CCSER2: variants seen among roughly 807,000 people sequenced by gnomAD.
CCSER2 encodes the protein serine-rich coiled-coil domain-containing protein 2.
A neutral mutation model predicts 92.3 loss-of-function variants in CCSER2; 46 were observed. The observed-to-expected ratio is 0.50, with a 90% confidence interval of 0.39 to 0.64. The LOEUF is 0.64. CCSER2 is among the 30% of genes least tolerant of loss of function. The pLI is 0.00. For synonymous variants in CCSER2, 433 were observed against 431.4 expected (o/e 1.00, Z -0.04); for missense variants, 1,244 against 1,238.9 (o/e 1.00, Z -0.06).
At chr10:84,488,724 T>TTG (rs773613463) in intron 9 of CCSER2, among the ~76,000 whole-genome samples, 6 of 152,194 alleles carry the variant, frequency 3.9e-5, no homozygotes, top group Admixed American at 6.5e-5. Flanking sequence ...GAAGGATTTT[T>TTG]TGTGTCTATT....
chr10:84,503,457 A>G (rs1442766946), intron 9 of CCSER2, among the ~76,000 whole-genome samples: 1 of 152,174 alleles, frequency 6.6e-6, no homozygotes, highest in Admixed American at 6.5e-5. Flanking sequence ...CTTAACTGGC[A>G]TTGGTGTAGT....
chr10:84,378,377 G>A (rs1344069857), intron 3 of CCSER2, among the ~76,000 whole-genome samples: 4 of 148,554 alleles, frequency 2.7e-5, no homozygotes, highest in Non-Finnish European at 6.0e-5. Context: ...CTTTTCAAAT[G>A]TTGTTAAACT....
Position 84,334,251 on chromosome 10 carries a change from A to G in CCSER2, c.-40+5443A>G, listed in dbSNP as rs1049441473. ...TGAACTTGTCTTTCCGTTGTTATTG[A>G]CTACTTAAGTTTTCTCTGAGTATCT... On this transcript the variant is annotated intron_variant, in intron 1 of 9. Coordinates refer to ENST00000372088, the MANE Select transcript of CCSER2 (RefSeq NM_001284240.2). Among the ~76,000 whole-genome samples the G allele has an allele frequency of 2.6e-5, 4 of 152,090 alleles. No individual in the cohort carries two copies. The East Asian group carries it at 7.7e-4, about 29-fold the overall frequency.
chr10:84,335,228 CT>C (rs1202869188), intron 1 of CCSER2, among the ~76,000 whole-genome samples: 18 of 70,010 alleles, frequency 2.6e-4, no homozygotes, highest in Admixed American at 6.7e-4. Flanking sequence ...CTCTCTCTCT[CT>C]TTTTTTTTTT....
chr10:84,358,472 A>G (rs1055500547), intron 1 of CCSER2, among the ~76,000 whole-genome samples: 2 of 151,988 alleles, frequency 1.3e-5, no homozygotes, highest in Non-Finnish European at 2.9e-5. Flanking sequence ...ATGTTCCTCT[A>G]GCTCTGGAAA....
chr10:84,381,147 A>G (rs1360956282), intron 3 of CCSER2, among the ~76,000 whole-genome samples: 4 of 152,098 alleles, frequency 2.6e-5, no homozygotes, highest in Non-Finnish European at 5.9e-5. Flanking sequence ...TCTCTCACTA[A>G]CTCATGGGAT....
At chr10:84,458,199 CTGTT>C in intron 6 of CCSER2, among the ~76,000 whole-genome samples, 1 of 152,068 alleles carries the variant, frequency 6.6e-6, no homozygotes, top group Non-Finnish European at 1.5e-5. Flanking sequence ...GGTGTATAAT[CTGTT>C]TGAAGAGTTT....
intron 9 of CCSER2, among the ~76,000 whole-genome samples, chr10:84,510,064 A>G (rs184456960): frequency 3.3e-4 from 50 of 152,214 alleles, no homozygotes; most frequent in African/African-American, 1.2e-3. Context: ...ATTCATCTAT[A>G]TCTCCCATCA....
chr10:84,503,968 T>C (rs1444599374), intron 9 of CCSER2, among the ~76,000 whole-genome samples: 1 of 152,242 alleles, frequency 6.6e-6, no homozygotes, highest in Admixed American at 6.5e-5. Flanking sequence ...GCAGTGATTA[T>C]AAATTTATTT....
At chr10:84,427,613 C>T (rs929118927) in intron 5 of CCSER2, among the ~76,000 whole-genome samples, 1 of 152,168 alleles carries the variant, frequency 6.6e-6, no homozygotes, top group Non-Finnish European at 1.5e-5. Flanking sequence ...GTTGGGAAGA[C>T]TGGTGGTTGA....
intron 6 of CCSER2, among the ~76,000 whole-genome samples, chr10:84,453,803 A>G (rs750108463): frequency 1.2e-4 from 18 of 152,078 alleles, no homozygotes; most frequent in Non-Finnish European, 2.1e-4. Context: ...TTCTTGGCAG[A>G]TTGGTCCTCT....
rs144710050 is a variant in CCSER2 at position 84,341,913 on chromosome 10, C to G, written c.-40+13105C>G. On this transcript the variant is annotated intron_variant, in intron 1 of 9. Transcript: ENST00000372088. ...TCATGGAAAGGGGCATGGAGCTTCT[C>G]TGTCCTCTCTGGGTGTACCACTCTC... Among the ~76,000 whole-genome samples the G allele has an allele frequency of 2.2e-3, 332 of 152,344 alleles. 1 individual carries two copies. Among genetic ancestry groups the G allele is most frequent in the Non-Finnish European group, 3.6e-3 (244 of 68,032 alleles).
chr10:84,403,154 C>T (rs1842206912), intron 3 of CCSER2, among the ~76,000 whole-genome samples: 1 of 145,802 alleles, frequency 6.9e-6, no homozygotes, highest in Non-Finnish European at 1.5e-5. Context: ...AGTAGACCTA[C>T]ACAAATATGC....
chr10:84,428,514 C>G (rs570360826), intron 5 of CCSER2, among the ~76,000 whole-genome samples: 2 of 152,134 alleles, frequency 1.3e-5, no homozygotes, highest in Non-Finnish European at 2.9e-5. Context: ...GGGGCTTGGG[C>G]ACCCCAGCTG....
chr10:84,504,880 G>A (rs1185334238), intron 9 of CCSER2, among the ~76,000 whole-genome samples: 2 of 151,948 alleles, frequency 1.3e-5, no homozygotes, highest in East Asian at 3.9e-4. Context: ...ATTTGCTCAG[G>A]GTAAGTGAAC....
chr10:84,358,677 TATATATATACACAC>T (rs1268706954), intron 1 of CCSER2, among the ~76,000 whole-genome samples: 1 of 141,684 alleles, frequency 7.1e-6, no homozygotes, highest in Non-Finnish European at 1.5e-5. Context: ...CATATATGTA[TATATATATACACAC>T]ACACACGTGT....
chr10:84,499,655 A>G (rs1848619576), intron 9 of CCSER2, among the ~76,000 whole-genome samples: 1 of 152,166 alleles, frequency 6.6e-6, no homozygotes, highest in South Asian at 2.1e-4. Flanking sequence ...CAAATATTAG[A>G]GGAAAATAAT....
intron 9 of CCSER2, among the ~76,000 whole-genome samples, chr10:84,492,601 G>T (rs1683809029): frequency 6.6e-6 from 1 of 152,166 alleles, no homozygotes; most frequent in African/African-American, 2.4e-5. Context: ...GTTAGCTATC[G>T]ATATTTGGGA....
intron 1 of CCSER2, among the ~76,000 whole-genome samples, chr10:84,338,192 GA>G (rs1172591225): frequency 6.6e-6 from 1 of 151,732 alleles, no homozygotes; most frequent in African/African-American, 2.4e-5. Flanking sequence ...GTTGAGGCAG[GA>G]GAATTGCTTG....
Sources: gnomAD v4.1 joint callset for allele counts (sites outside exome capture counted in the v4.1 genomes callset) on GRCh38, gnomAD v4.1.1 for gene constraint, MANE v1.5 for transcripts, NCBI Gene and HGNC (gene_info 2026-07-23, HGNC 2026-07-21) for gene names.